ACTR3B: variants seen among roughly 807,000 people sequenced by gnomAD.
ACTR3B encodes the protein actin-related protein 3B.
In ACTR3B, 8 loss-of-function variants were observed where a neutral mutation model predicts 59.0. The observed-to-expected ratio is 0.14, with a 90% CI of 0.08 to 0.24. The LOEUF is 0.24. ACTR3B is among the 10% of genes least tolerant of loss of function. The probability of loss-of-function intolerance (pLI) is 1.00; values close to 1 mark genes in which losing one functional copy is unlikely to be tolerated. For missense variants in ACTR3B, 245 were observed against 552.3 expected (o/e 0.44, Z 5.58); for synonymous variants, 148 against 197.9 (o/e 0.75, Z 2.12).
At chr7:152,775,582 A>G (rs1017635492) in intron 1 of ACTR3B, among the ~76,000 whole-genome samples, 4 of 152,002 alleles carry the variant, frequency 2.6e-5, no homozygotes, top group Admixed American at 2.0e-4. Flanking sequence ...CAACATGGAG[A>G]AACCCTGTCT....
intron 9 of ACTR3B, among the ~76,000 whole-genome samples, chr7:152,836,004 TC>T (rs1319904413): frequency 2.7e-5 from 4 of 145,960 alleles, no homozygotes; most frequent in African/African-American, 1.0e-4. Context: ...CACAGAGGAG[TC>T]AGGGAAGGAG....
intron 4 of ACTR3B, among the ~76,000 whole-genome samples, chr7:152,802,974 G>C (rs1367957795): frequency 6.6e-6 from 1 of 152,174 alleles, no homozygotes; most frequent in African/African-American, 2.4e-5. Context: ...GCCAAGTATG[G>C]CTACTGCATT....
chr7:152,766,299 T>C (rs2098110245), intron 1 of ACTR3B, among the ~76,000 whole-genome samples: 1 of 152,192 alleles, frequency 6.6e-6, no homozygotes, highest in South Asian at 2.1e-4. Flanking sequence ...TGTGCAATGC[T>C]CCGTACCAGG....
At chr7:152,779,393 A>G (rs1049779017) in intron 1 of ACTR3B, among the ~76,000 whole-genome samples, 1 of 152,140 alleles carries the variant, frequency 6.6e-6, no homozygotes, top group African/African-American at 2.4e-5. Context: ...ACAACTGGAA[A>G]ACTCAATCTG....
chr7:152,852,342 G>A, intron 10 of ACTR3B, 91 bp downstream of exon 10: 1 of 1,459,966 alleles, frequency 6.8e-7, no homozygotes, highest in Non-Finnish European at 9.1e-7. Context: ...GAGCTTGTCT[G>A]GGCCGCGTAA....
chr7:152,777,487 T>G (rs1421411771), intron 1 of ACTR3B, among the ~76,000 whole-genome samples: 1 of 152,208 alleles, frequency 6.6e-6, no homozygotes, highest in Non-Finnish European at 1.5e-5. Context: ...ATTCTATTGC[T>G]GTTGCCATTC....
chr7:152,805,734 G>A (rs2098250331), intron 4 of ACTR3B, among the ~76,000 whole-genome samples: 1 of 152,092 alleles, frequency 6.6e-6, no homozygotes, highest in Non-Finnish European at 1.5e-5. Context: ...CCTAGCCAGT[G>A]TAGAGGTCAG....
intron 5 of ACTR3B, among the ~76,000 whole-genome samples, chr7:152,816,038 C>A (rs1479347333): frequency 2.0e-5 from 3 of 151,834 alleles, no homozygotes; most frequent in African/African-American, 7.3e-5. Context: ...CTGCGACCTT[C>A]TGGGATGAAG....
intron 9 of ACTR3B, among the ~76,000 whole-genome samples, chr7:152,850,394 T>G (rs1371787427): frequency 6.8e-6 from 1 of 147,220 alleles, no homozygotes; most frequent in East Asian, 2.1e-4. Flanking sequence ...CAGGTAGAAG[T>G]TCAGATCACT....
chr7:152,803,794 G>A (rs1451786540), intron 4 of ACTR3B, among the ~76,000 whole-genome samples: 2 of 152,226 alleles, frequency 1.3e-5, no homozygotes, highest in Non-Finnish European at 2.9e-5. Context: ...AAACAATCAG[G>A]TTTATTATTA....
At chr7:152,837,807 T>G (rs1194982879) in intron 9 of ACTR3B, among the ~76,000 whole-genome samples, 3 of 152,126 alleles carry the variant, frequency 2.0e-5, no homozygotes, top group African/African-American at 4.8e-5. Flanking sequence ...TTGTTGTGGT[T>G]TGCTCTCTAA....
At chr7:152,835,103 G>A (rs1212016070) in intron 9 of ACTR3B, among the ~76,000 whole-genome samples, 2 of 152,064 alleles carry the variant, frequency 1.3e-5, no homozygotes, top group Non-Finnish European at 2.9e-5. Context: ...TTTGTGGGAA[G>A]CGTTTTGAGC....
chr7:152,817,659 T>C (rs1026606755), intron 6 of ACTR3B, among the ~76,000 whole-genome samples: 3 of 152,174 alleles, frequency 2.0e-5, no homozygotes, highest in Non-Finnish European at 2.9e-5. Context: ...GGAACCACCA[T>C]TGCTAGTTAC....
intron 1 of ACTR3B, among the ~76,000 whole-genome samples, chr7:152,775,143 A>G (rs894702034): frequency 3.0e-5 from 4 of 134,242 alleles, no homozygotes; most frequent in African/African-American, 8.4e-5. Flanking sequence ...ATGAGCTATG[A>G]TTGCACCACT....
Position 152,823,467 on chromosome 7 carries a change from C to T in ACTR3B, c.810C>T (p.Asp270=), listed in dbSNP as rs199838447. ...NAINQKKFVI[D]VGYERFLGPE... Reference sequence around the variant, plus strand: ...TCAACCAGAAGAAGTTTGTTATAGACGTTGGTTACGAAAGATTCCTGGGAC... The same window carrying T: ...TCAACCAGAAGAAGTTTGTTATAGATGTTGGTTACGAAAGATTCCTGGGAC... The change falls in exon 8 of 12, where the codon GAC becomes GAT. Residue 270 remains aspartate (D), a synonymous_variant. Coordinates refer to ENST00000256001, the MANE Select transcript of ACTR3B (RefSeq NM_020445.6). The T allele has an allele frequency of 6.5e-5, 105 of 1,614,150 alleles. No individual in the cohort carries two copies. In the East Asian group the frequency reaches 1.1e-3, roughly 17 times the overall value.
intron 1 of ACTR3B, among the ~76,000 whole-genome samples, chr7:152,778,383 G>A (rs2098141595): frequency 6.6e-6 from 1 of 151,608 alleles, no homozygotes; most frequent in African/African-American, 2.4e-5. Context: ...CTGCGGGCAC[G>A]TGCCACCATG....
chr7:152,815,027 T>C (rs1385557864), intron 5 of ACTR3B, among the ~76,000 whole-genome samples: 1 of 151,658 alleles, frequency 6.6e-6, no homozygotes, highest in Non-Finnish European at 1.5e-5. Context: ...CCCAGTGTAC[T>C]TGATTCTGAG....
intron 9 of ACTR3B, among the ~76,000 whole-genome samples, chr7:152,837,561 A>G (rs1440249667): frequency 3.3e-5 from 5 of 152,396 alleles, no homozygotes; most frequent in Admixed American, 2.6e-4. Flanking sequence ...GGGTACTAAG[A>G]AAATGAGTGG....
At chr7:152,818,143 G>A (rs1795855848) in intron 6 of ACTR3B, among the ~76,000 whole-genome samples, 1 of 152,224 alleles carries the variant, frequency 6.6e-6, no homozygotes, top group Admixed American at 6.5e-5. Flanking sequence ...TCAGAGAGCT[G>A]TGCTGCTGAG....
Sources: gnomAD v4.1 joint callset for allele counts (sites outside exome capture counted in the v4.1 genomes callset) on GRCh38, gnomAD v4.1.1 for gene constraint, MANE v1.5 for transcripts, NCBI Gene and HGNC (gene_info 2026-07-23, HGNC 2026-07-21) for gene names.